The following ATP10A variants were observed in gnomAD, a reference collection of about 807,000 sequenced individuals.
The protein encoded by ATP10A is phospholipid-transporting ATPase VA.
In ATP10A, 111 loss-of-function variants were observed where a neutral mutation model predicts 147.8. The observed-to-expected ratio is 0.75, with a 90% CI of 0.64 to 0.88. The LOEUF (loss-of-function observed/expected upper bound fraction) is 0.88, where lower values mean the gene tolerates loss of function less well. Ranked by LOEUF, ATP10A falls within the 40% of genes least tolerant of loss-of-function variation. ATP10A has a pLI of 0.00. For synonymous variants in ATP10A, 875 were observed against 841.6 expected (o/e 1.04, Z -0.69); for missense variants, 1,927 against 1,959.0 (o/e 0.98, Z 0.31).
At chr15:25,836,783 G>T (rs1892616666) in intron 1 of ATP10A, among the ~76,000 whole-genome samples, 1 of 152,142 alleles carries the variant, frequency 6.6e-6, no homozygotes, top group Non-Finnish European at 1.5e-5. Flanking sequence ...GTTACTGTCG[G>T]TTCACAGTAG....
rs1300845137 is a variant in ATP10A at position 25,721,929 on chromosome 15, C to T, written c.1111-20G>A. ...CAAAACCTGGAAGAGACAAGGCACA[C>T]AGGATGAATGACCGTGAGGACCAGG... On this transcript the variant is annotated intron_variant, in intron 6 of 20. Transcript: ENST00000555815. 6.2e-7 allele frequency: 1 copy of T among 1,606,544 alleles called. No individual in the cohort carries two copies. The highest frequency in any genetic ancestry group is 1.7e-5 in the Admixed American group (1 of 59,762).
At chr15:25,862,060 C>G in intron 1 of ATP10A, 1 of 332,596 alleles carries the variant, frequency 3.0e-6, no homozygotes, top group South Asian at 2.2e-5. Context: ...AGGCAGGCAG[C>G]TACCGGGCGG....
rs1241401968 is a variant in ATP10A at position 25,862,773 on chromosome 15, G to A, written c.324C>T (p.Pro108=). The A allele has an allele frequency of 2.5e-6, 4 of 1,610,952 alleles. No homozygotes were observed. Among genetic ancestry groups the A allele is most frequent in the Non-Finnish European group, 3.4e-6 (4 of 1,178,636 alleles). Residue 108 remains proline, a synonymous_variant, in exon 1 of 21, where the codon CCC becomes CCT. Coordinates refer to ENST00000555815, the MANE Select transcript of ATP10A (RefSeq NM_024490.4). Reference sequence around the variant, plus strand: ...AGAGCACCGGCGCCAGTGCCAGGCCGGGCTGGAAGGCGTTCACCGCCGGCA... The same window carrying A: ...AGAGCACCGGCGCCAGTGCCAGGCCAGGCTGGAAGGCGTTCACCGCCGGCA... The part of the protein sequence containing the change: ...NFVPAVNAFQ[P]GLALAPVLFI...
intron 12 of ATP10A, among the ~76,000 whole-genome samples, chr15:25,705,230 CA>C (rs1433401469): frequency 1.3e-5 from 2 of 151,920 alleles, no homozygotes; most frequent in African/African-American, 4.8e-5. Context: ...CACGTTAAAC[CA>C]GGAGTTTGAG....
chr15:25,707,054 C>T (rs1049557649), intron 12 of ATP10A, among the ~76,000 whole-genome samples: 4 of 152,192 alleles, frequency 2.6e-5, no homozygotes, highest in African/African-American at 4.8e-5. Context: ...CCCTGGATCC[C>T]GGGGCTTTCC....
chr15:25,710,659 C>T (rs7179472), intron 10 of ATP10A: 92,714 of 152,018 alleles, frequency 0.61, 28,543 homozygotes, highest in African/African-American at 0.68. Context: ...ATTAAAATGG[C>T]AAACTAACGT....
chr15:25,803,845 G>A (rs1462084688), intron 1 of ATP10A, among the ~76,000 whole-genome samples: 4 of 152,218 alleles, frequency 2.6e-5, no homozygotes, highest in African/African-American at 7.2e-5. Flanking sequence ...GCCCTCCCAG[G>A]CACAGACTCC....
chr15:25,858,062 A>T, intron 1 of ATP10A, among the ~76,000 whole-genome samples: 1 of 152,204 alleles, frequency 6.6e-6, no homozygotes, highest in East Asian at 1.9e-4. Context: ...CTGCAACTTG[A>T]CCTCATGAGC....
At chr15:25,701,405 TC>T (rs1900654355) in intron 13 of ATP10A, among the ~76,000 whole-genome samples, 1 of 152,230 alleles carries the variant, frequency 6.6e-6, no homozygotes, top group East Asian at 1.9e-4. Flanking sequence ...GCAAGACAGT[TC>T]CCTGCTCCAT....
rs576291939 is a variant in ATP10A, at chr15:25,761,744, A to C, written c.654+19275T>G. 3.3e-5 allele frequency among the ~76,000 whole-genome samples: 5 copies of C among 152,328 alleles called. No individual in the cohort carries two copies. The South Asian group carries it at 1.0e-3, about 32-fold the overall frequency. On this transcript the variant is annotated intron_variant, in intron 2 of 20. Transcript: ENST00000555815. ...CCATTTGGAATGGCTATATTTACCC[A>C]GTGCCTGTTCCCCCATTGTATCTAG...
intron 1 of ATP10A, among the ~76,000 whole-genome samples, chr15:25,845,359 G>A (rs1892974769): frequency 6.8e-6 from 1 of 146,778 alleles, no homozygotes; most frequent in African/African-American, 2.6e-5. Context: ...TGTGTGTCAG[G>A]CCACCTGGGT....
At chr15:25,751,068 G>A (rs185211329) in intron 2 of ATP10A, among the ~76,000 whole-genome samples, 2 of 152,048 alleles carry the variant, frequency 1.3e-5, no homozygotes, top group Non-Finnish European at 2.9e-5. Flanking sequence ...ATTAGCAAAA[G>A]ACTCAATTTC....
chr15:25,833,980 C>T (rs569125837), intron 1 of ATP10A, among the ~76,000 whole-genome samples: 6 of 149,964 alleles, frequency 4.0e-5, no homozygotes, highest in Non-Finnish European at 5.9e-5. Flanking sequence ...TCAAAAAAAA[C>T]GAACAAACAA....
At chr15:25,817,117 C>G (rs1216674792) in intron 1 of ATP10A, among the ~76,000 whole-genome samples, 1 of 152,034 alleles carries the variant, frequency 6.6e-6, no homozygotes, top group Non-Finnish European at 1.5e-5. Flanking sequence ...GAGTCTCGCT[C>G]TGTCACCCAG....
At chr15:25,833,843 G>A (rs1233096268) in intron 1 of ATP10A, among the ~76,000 whole-genome samples, 5 of 152,102 alleles carry the variant, frequency 3.3e-5, no homozygotes, top group Admixed American at 3.3e-4. Flanking sequence ...GTGGTGGTGG[G>A]CACCTGTGGT....
chr15:25,716,559 C>T (rs1284564199), intron 9 of ATP10A, among the ~76,000 whole-genome samples, 171 bp downstream of exon 9: 1 of 152,220 alleles, frequency 6.6e-6, no homozygotes, highest in East Asian at 1.9e-4. Flanking sequence ...TGCAGAACCA[C>T]AAGCACTGTT....
chr15:25,690,574 G>A (rs759096372), intron 15 of ATP10A, among the ~76,000 whole-genome samples: 6 of 152,120 alleles, frequency 3.9e-5, no homozygotes, highest in Non-Finnish European at 2.9e-5. Flanking sequence ...AGGCTATGTG[G>A]TTCATCTGCA....
chr15:25,843,137 T>C, intron 1 of ATP10A, among the ~76,000 whole-genome samples: 1 of 152,148 alleles, frequency 6.6e-6, no homozygotes, highest in East Asian at 1.9e-4. Context: ...GCTAAACTCA[T>C]GTCCAGCGCA....
chr15:25,803,090 T>G (rs1047768966), intron 1 of ATP10A, among the ~76,000 whole-genome samples: 2 of 152,114 alleles, frequency 1.3e-5, no homozygotes, highest in Non-Finnish European at 2.9e-5. Flanking sequence ...TCCTGGCAAA[T>G]CCGGGTCACG....
Sources: allele counts gnomAD v4.1 joint callset (sites outside exome capture counted in the v4.1 genomes callset), GRCh38; gene constraint gnomAD v4.1.1; transcripts MANE v1.5; gene names NCBI Gene and HGNC (gene_info 2026-07-23, HGNC 2026-07-21).